CTNNA3: variants seen among roughly 807,000 people sequenced by gnomAD.
The protein encoded by CTNNA3 is catenin alpha-3.
A neutral mutation model predicts 95.7 loss-of-function variants in CTNNA3; 76 were observed. That is an observed-to-expected ratio of 0.79 (90% CI 0.66 to 0.96). The LOEUF is 0.96. Among genes scored for constraint, CTNNA3 ranks in the 40% least tolerant of loss-of-function variants. The probability of loss-of-function intolerance (pLI) is 0.00; values close to 1 mark genes in which losing one functional copy is unlikely to be tolerated. For missense variants in CTNNA3, 1,191 were observed against 1,089.8 expected, an observed-to-expected ratio of 1.09 and a Z score of -1.31; for synonymous variants, 431 against 374.4, an observed-to-expected ratio of 1.15 and a Z score of -1.74.
At chr10:66,827,817 T>C (rs1266116014) in intron 7 of CTNNA3, among the ~76,000 whole-genome samples, 2 of 152,236 alleles carry the variant, frequency 1.3e-5, no homozygotes, top group Non-Finnish European at 2.9e-5. Flanking sequence ...AAGTAAAAGC[T>C]ATAAAACCTT....
intron 9 of CTNNA3, among the ~76,000 whole-genome samples, chr10:66,650,170 C>T (rs1845844535): frequency 6.6e-6 from 1 of 152,170 alleles, no homozygotes; most frequent in East Asian, 1.9e-4. Flanking sequence ...CTCAAACACA[C>T]ACAGAACATT....
intron 7 of CTNNA3, among the ~76,000 whole-genome samples, chr10:67,157,156 A>T (rs1276519408): frequency 2.6e-5 from 4 of 152,184 alleles, no homozygotes; most frequent in African/African-American, 2.4e-5. Context: ...GAAGAAGTTA[A>T]ATTGTCTCTG....
intron 13 of CTNNA3, among the ~76,000 whole-genome samples, chr10:66,208,858 T>A (rs2087934460): frequency 6.6e-6 from 1 of 152,070 alleles, no homozygotes; most frequent in African/African-American, 2.4e-5. Flanking sequence ...TCCATCCTAG[T>A]CACCAAAGGG....
chr10:67,523,364 G>A (rs1224603413), intron 4 of CTNNA3, among the ~76,000 whole-genome samples: 1 of 152,118 alleles, frequency 6.6e-6, no homozygotes, highest in Non-Finnish European at 1.5e-5. Flanking sequence ...TCAGCCCCAG[G>A]TACTTGATGC....
At chr10:66,093,990 T>C (rs1179642330) in intron 14 of CTNNA3, among the ~76,000 whole-genome samples, 1 of 152,060 alleles carries the variant, frequency 6.6e-6, no homozygotes, top group Non-Finnish European at 1.5e-5. Flanking sequence ...GAGTTTAGAA[T>C]TTAGCAGGGA....
chr10:67,640,758 G>A (rs1049347014), intron 2 of CTNNA3, among the ~76,000 whole-genome samples: 13 of 152,128 alleles, frequency 8.5e-5, no homozygotes, highest in South Asian at 4.1e-4. Flanking sequence ...ATGGGGAAAC[G>A]ATTCCCTATT....
At chr10:66,469,499 C>T (rs529442456) in intron 11 of CTNNA3, among the ~76,000 whole-genome samples, 2 of 151,654 alleles carry the variant, frequency 1.3e-5, no homozygotes, top group South Asian at 4.2e-4. Flanking sequence ...AAATTGTTTG[C>T]AAACTATGTT....
chr10:67,226,734 C>T (rs571912277), intron 5 of CTNNA3, among the ~76,000 whole-genome samples: 138 of 152,274 alleles, frequency 9.1e-4, no homozygotes, highest in African/African-American at 3.2e-3. Flanking sequence ...AGCTCTAAAC[C>T]TTGAAACAAA....
chr10:66,578,491 A>G (rs1374457218), intron 10 of CTNNA3, among the ~76,000 whole-genome samples: 1 of 151,916 alleles, frequency 6.6e-6, no homozygotes, highest in African/African-American at 2.4e-5. Context: ...GATATGTTCT[A>G]TTGATGCCTA....
chr10:66,613,847 C>T (rs547672115), intron 10 of CTNNA3, among the ~76,000 whole-genome samples: 25 of 152,122 alleles, frequency 1.6e-4, no homozygotes, highest in African/African-American at 5.5e-4. Context: ...GGTCATTTTA[C>T]ATTGAATATT....
chr10:66,028,157 A>C (rs1185891479), intron 15 of CTNNA3, among the ~76,000 whole-genome samples: 6 of 152,296 alleles, frequency 3.9e-5, no homozygotes, highest in African/African-American at 1.4e-4. Flanking sequence ...TGGACTGTAA[A>C]CTAGTGCAAC....
chr10:66,206,518 G>T (rs2087764376), intron 13 of CTNNA3, among the ~76,000 whole-genome samples: 1 of 151,790 alleles, frequency 6.6e-6, no homozygotes, highest in Admixed American at 6.6e-5. Flanking sequence ...TGTTTAAGAG[G>T]ACTCAGAGAA....
chr10:66,408,117 A>G (rs1478300230), intron 11 of CTNNA3, among the ~76,000 whole-genome samples: 6 of 152,204 alleles, frequency 3.9e-5, no homozygotes, highest in Non-Finnish European at 8.8e-5. Flanking sequence ...TAAAATGCCT[A>G]CACATAGCTT....
chr10:67,486,199 T>C (rs936389012), intron 5 of CTNNA3, among the ~76,000 whole-genome samples: 1 of 152,198 alleles, frequency 6.6e-6, no homozygotes, highest in African/African-American at 2.4e-5. Context: ...GAATCTACTT[T>C]AGCCAGAAAT....
intron 11 of CTNNA3, among the ~76,000 whole-genome samples, chr10:66,482,935 G>A (rs1839591099): frequency 6.6e-6 from 1 of 152,112 alleles, no homozygotes; most frequent in African/African-American, 2.4e-5. Flanking sequence ...CTAAACTGAT[G>A]GAAATCCCAG....
intron 2 of CTNNA3, among the ~76,000 whole-genome samples, chr10:67,621,117 G>A (rs1258788434): frequency 6.6e-6 from 1 of 151,908 alleles, no homozygotes; most frequent in Non-Finnish European, 1.5e-5. Context: ...TCACCTGGGA[G>A]CTTTAAAAAT....
intron 3 of CTNNA3, among the ~76,000 whole-genome samples, chr10:67,559,528 C>T (rs1048533851): frequency 2.6e-5 from 4 of 152,004 alleles, no homozygotes; most frequent in African/African-American, 9.7e-5. Context: ...GATAAAACCA[C>T]AAAGATGGGG....
At chr10:66,249,184 C>T (rs961349279) in intron 13 of CTNNA3, among the ~76,000 whole-genome samples, 4 of 151,926 alleles carry the variant, frequency 2.6e-5, no homozygotes, top group East Asian at 1.9e-4. Context: ...AAGAAAACAT[C>T]GGGGAAACTC....
At chr10:67,329,796 T>C (rs1222552180) in intron 5 of CTNNA3, among the ~76,000 whole-genome samples, 1 of 152,218 alleles carries the variant, frequency 6.6e-6, no homozygotes, top group Non-Finnish European at 1.5e-5. Flanking sequence ...ATCACAGTGC[T>C]TCAAATGAGA....
Sources: gnomAD v4.1 joint callset for allele counts (sites outside exome capture counted in the v4.1 genomes callset) on GRCh38, gnomAD v4.1.1 for gene constraint, MANE v1.5 for transcripts, NCBI Gene and HGNC (gene_info 2026-07-23, HGNC 2026-07-21) for gene names.